SEMA3A: variants seen among roughly 807,000 people sequenced by gnomAD.
The protein encoded by SEMA3A is semaphorin-3A.
Under a neutral mutation model 97.9 loss-of-function variants are expected in SEMA3A, and 29 were observed. The ratio of observed to expected loss-of-function variants is 0.30; its 90% CI spans 0.22 to 0.40. The LOEUF (loss-of-function observed/expected upper bound fraction) is 0.40. SEMA3A is among the 10% of genes least tolerant of loss of function. The probability of loss-of-function intolerance (pLI) is 1.00; values close to 1 mark genes in which losing one functional copy is unlikely to be tolerated. For missense variants in SEMA3A, 763 were observed against 951.3 expected (o/e 0.80, Z 2.60); for synonymous variants, 321 against 323.7 (o/e 0.99, Z 0.09).
chr7:84,340,797 A>C (rs7459313), intron 2 of SEMA3A, among the ~76,000 whole-genome samples: 4,387 of 144,846 alleles, frequency 0.03, 230 homozygotes, highest in African/African-American at 0.099. Context: ...AAAAAAAAAA[A>C]ATCAAAATAA....
At chr7:84,411,898 A>G (rs1804279188) in intron 1 of SEMA3A, among the ~76,000 whole-genome samples, 1 of 152,184 alleles carries the variant, frequency 6.6e-6, no homozygotes, top group Admixed American at 6.6e-5. Flanking sequence ...AGTAGATTCT[A>G]TAAAATAGAC....
At chr7:84,304,759 A>G (rs1194085268) in intron 3 of SEMA3A, among the ~76,000 whole-genome samples, 10 of 152,056 alleles carry the variant, frequency 6.6e-5, no homozygotes, top group African/African-American at 2.2e-4. Flanking sequence ...GATCAAACTT[A>G]TTCAATGACC....
intron 1 of SEMA3A, among the ~76,000 whole-genome samples, chr7:84,178,123 C>T (rs1489903723): frequency 6.6e-6 from 1 of 152,142 alleles, no homozygotes; most frequent in African/African-American, 2.4e-5. Flanking sequence ...CCTCTCCAAA[C>T]ATAGCTTGTG....
intron 4 of SEMA3A, 113 bp from the exon 5 acceptor site, chr7:84,060,671 T>A: frequency 1.6e-6 from 1 of 630,014 alleles, no homozygotes; most frequent in Non-Finnish European, 2.5e-6. Context: ...ACACAAGAGT[T>A]ATTTTTATTT....
intron 1 of SEMA3A, among the ~76,000 whole-genome samples, chr7:84,429,854 G>T (rs1056568277): frequency 6.6e-6 from 1 of 151,574 alleles, no homozygotes; most frequent in Admixed American, 6.6e-5. Flanking sequence ...AAATGAGGCA[G>T]GAAAATGGAC....
chr7:84,453,878 T>C (rs1291932231), intron 1 of SEMA3A, among the ~76,000 whole-genome samples: 1 of 151,372 alleles, frequency 6.6e-6, no homozygotes, highest in East Asian at 1.9e-4. Context: ...CTAGTTACAC[T>C]TTTTTTTCTA....
intron 2 of SEMA3A, among the ~76,000 whole-genome samples, chr7:84,329,346 C>A (rs979295820): frequency 6.6e-6 from 1 of 151,896 alleles, no homozygotes; most frequent in Non-Finnish European, 1.5e-5. Flanking sequence ...ATGTGAGAAC[C>A]TTTTTGCTTA....
At chr7:84,052,949 T>C (rs1246926534) in intron 5 of SEMA3A, among the ~76,000 whole-genome samples, 8 of 151,656 alleles carry the variant, frequency 5.3e-5, no homozygotes, top group African/African-American at 1.9e-4. Flanking sequence ...CATCTTTATT[T>C]CTGCCTTCAT....
At chr7:84,206,429 TCTC>T (rs1798496073) in intron 3 of SEMA3A, among the ~76,000 whole-genome samples, 1 of 151,658 alleles carries the variant, frequency 6.6e-6, no homozygotes, top group South Asian at 2.1e-4. Context: ...TTCATGGCAT[TCTC>T]CTGCCTCAGC....
chr7:84,181,899 A>G (rs1216845943), intron 1 of SEMA3A, among the ~76,000 whole-genome samples: 2 of 152,154 alleles, frequency 1.3e-5, no homozygotes, highest in Non-Finnish European at 2.9e-5. Flanking sequence ...CTTGGTCTAG[A>G]GTACCTCAGA....
At chr7:84,132,822 C>G (rs912183756) in intron 2 of SEMA3A, among the ~76,000 whole-genome samples, 1 of 151,742 alleles carries the variant, frequency 6.6e-6, no homozygotes, top group Non-Finnish European at 1.5e-5. Flanking sequence ...ATTACAGGCA[C>G]TCATTACCAC....
At chr7:84,414,102 C>A (rs1214218362) in intron 1 of SEMA3A, among the ~76,000 whole-genome samples, 3 of 152,116 alleles carry the variant, frequency 2.0e-5, no homozygotes, top group African/African-American at 7.2e-5. Flanking sequence ...CCCGCACCAA[C>A]TTGAGCAATT....
intron 1 of SEMA3A, among the ~76,000 whole-genome samples, chr7:84,463,349 G>T (rs535521644): frequency 5.5e-5 from 8 of 145,366 alleles, no homozygotes; most frequent in South Asian, 4.3e-4. Flanking sequence ...CCCGGGTTCA[G>T]GCCATTCTCC....
chr7:84,066,218 C>A (rs1407019660), intron 4 of SEMA3A, among the ~76,000 whole-genome samples: 1 of 151,994 alleles, frequency 6.6e-6, no homozygotes, highest in African/African-American at 2.4e-5. Context: ...CAAAATTCAA[C>A]AACACTTCAT....
In SEMA3A at chr7:84,259,570, A is replaced by G. The variant is rs999670359; in HGVS notation, c.-83+47637T>C. On this transcript the variant is annotated intron_variant, in intron 3 of 3. Coordinates refer to the SEMA3A transcript ENST00000424555. ...AAGGAAAACATGAAAATAAATAATT[A>G]TTATGTAATTTTCCTGCAATAAATC... Among the ~76,000 whole-genome samples, 5 of 152,126 alleles carry G rather than the reference A, an allele frequency of 3.3e-5. 1 individual carries two copies.
chr7:84,235,563 A>G (rs1191874660), intron 3 of SEMA3A, among the ~76,000 whole-genome samples: 1 of 152,084 alleles, frequency 6.6e-6, no homozygotes, highest in Non-Finnish European at 1.5e-5. Context: ...AAGAAAAATG[A>G]TACAGTAAAC....
intron 3 of SEMA3A, among the ~76,000 whole-genome samples, chr7:84,215,748 T>C (rs1025972471): frequency 1.3e-5 from 2 of 152,244 alleles, no homozygotes; most frequent in African/African-American, 2.4e-5. Context: ...TAAATAGTTA[T>C]TGGATGAATA....
In SEMA3A at chr7:84,292,891, T is replaced by C. The variant is rs114569076; in HGVS notation, c.-83+14316A>G. Among the ~76,000 whole-genome samples, 1,072 of 152,196 alleles carry C rather than the reference T, an allele frequency of 7.0e-3. 12 individuals carry two copies. The highest frequency in any genetic ancestry group is 0.024 in the African/African-American group (997 of 41,556). Reference sequence around the variant, plus strand: ...ATGTTGTGAAAAACATATTGCCCTATTCTCTGAAAGTTTTTCATGTTGACC... The same window carrying C: ...ATGTTGTGAAAAACATATTGCCCTACTCTCTGAAAGTTTTTCATGTTGACC... On this transcript the variant is annotated intron_variant, in intron 3 of 3. Transcript: ENST00000424555.
chr7:84,010,163 T>C (rs1231678523), intron 9 of SEMA3A, among the ~76,000 whole-genome samples: 1 of 150,796 alleles, frequency 6.6e-6, no homozygotes, highest in Non-Finnish European at 1.5e-5. Context: ...AAAAAGTAGA[T>C]TTTTTTACAA....
Sources: allele counts gnomAD v4.1 joint callset (sites outside exome capture counted in the v4.1 genomes callset), GRCh38; gene constraint gnomAD v4.1.1; transcripts MANE v1.5; gene names NCBI Gene and HGNC (gene_info 2026-07-23, HGNC 2026-07-21).